HIBADH: variants seen among roughly 807,000 people sequenced by gnomAD.
The protein encoded by HIBADH is 3-hydroxyisobutyrate dehydrogenase.
Under a neutral mutation model 36.1 loss-of-function variants are expected in HIBADH, and 25 were observed. The observed-to-expected ratio is 0.69, with a 90% CI of 0.50 to 0.97. HIBADH has a LOEUF of 0.97. HIBADH is among the 50% of genes least tolerant of loss of function. HIBADH has a pLI of 0.00. For missense variants in HIBADH, 421 were observed against 418.0 expected, an observed-to-expected ratio of 1.01 and a Z score of -0.06; for synonymous variants, 160 against 149.5, an observed-to-expected ratio of 1.07 and a Z score of -0.51.
intron 6 of HIBADH, among the ~76,000 whole-genome samples, chr7:27,537,200 A>G (rs1784082318): frequency 6.6e-6 from 1 of 152,186 alleles, no homozygotes; most frequent in Admixed American, 6.6e-5. Flanking sequence ...CATCTTATGG[A>G]CATTCAATTT....
intron 4 of HIBADH, among the ~76,000 whole-genome samples, chr7:27,604,869 T>C (rs1361693600): frequency 6.6e-6 from 1 of 152,138 alleles, no homozygotes; most frequent in Admixed American, 6.5e-5. Context: ...AACATTTACT[T>C]TGAAAACATA....
At chr7:27,609,920 G>A (rs1035246277) in intron 4 of HIBADH, among the ~76,000 whole-genome samples, 2 of 151,990 alleles carry the variant, frequency 1.3e-5, no homozygotes, top group African/African-American at 4.8e-5. Context: ...AAGTTCAAGC[G>A]ATTCTCCTGC....
chr7:27,601,624 G>A (rs995631759), intron 4 of HIBADH, among the ~76,000 whole-genome samples: 2 of 152,008 alleles, frequency 1.3e-5, no homozygotes, highest in African/African-American at 4.8e-5. Context: ...AAAATTTAAG[G>A]TAAAGGGGAA....
At chr7:27,584,985 A>C (rs1427405499) in intron 4 of HIBADH, among the ~76,000 whole-genome samples, 3 of 152,028 alleles carry the variant, frequency 2.0e-5, no homozygotes, top group Non-Finnish European at 4.4e-5. Context: ...CTAAAAGTAC[A>C]TTCTTATAGT....
At chr7:27,562,762 C>T (rs1222975864) in intron 4 of HIBADH, among the ~76,000 whole-genome samples, 1 of 152,124 alleles carries the variant, frequency 6.6e-6, no homozygotes, top group Non-Finnish European at 1.5e-5. Flanking sequence ...TCAGCCTTTG[C>T]CATTTCTTTT....
At chr7:27,605,402 T>G (rs1785201363) in intron 4 of HIBADH, among the ~76,000 whole-genome samples, 2 of 151,110 alleles carry the variant, frequency 1.3e-5, no homozygotes, top group Admixed American at 6.6e-5. Flanking sequence ...ACTTGCACCT[T>G]TCAGAGGTTT....
At chr7:27,660,838 T>A (rs187809507) in intron 1 of HIBADH, among the ~76,000 whole-genome samples, 1 of 152,176 alleles carries the variant, frequency 6.6e-6, no homozygotes, top group Non-Finnish European at 1.5e-5. Flanking sequence ...CACTCTGAGG[T>A]AGGCCCTCCC....
chr7:27,642,529 TAA>T (rs1240080081), intron 2 of HIBADH, among the ~76,000 whole-genome samples: 1 of 152,136 alleles, frequency 6.6e-6, no homozygotes, highest in Non-Finnish European at 1.5e-5. Flanking sequence ...TGACCTAAAG[TAA>T]AAGTCTTCAG....
At chr7:27,577,113 G>A (rs565872225) in intron 4 of HIBADH, among the ~76,000 whole-genome samples, 28 of 150,948 alleles carry the variant, frequency 1.9e-4, no homozygotes, top group South Asian at 1.5e-3. Context: ...ATGACCTTTC[G>A]GAAGAAATTA....
chr7:27,574,474 G>A (rs1358794058), intron 4 of HIBADH, among the ~76,000 whole-genome samples: 8 of 152,006 alleles, frequency 5.3e-5, no homozygotes, highest in Non-Finnish European at 8.8e-5. Flanking sequence ...TTTTTCCAAG[G>A]AAAGTACATT....
chr7:27,576,188 C>T (rs1784707060), intron 4 of HIBADH, among the ~76,000 whole-genome samples: 1 of 152,174 alleles, frequency 6.6e-6, no homozygotes, highest in South Asian at 2.1e-4. Context: ...CTGATCATAA[C>T]CATTACACCT....
chr7:27,561,595 A>G (rs993359348), intron 4 of HIBADH, among the ~76,000 whole-genome samples: 5 of 152,076 alleles, frequency 3.3e-5, no homozygotes, highest in East Asian at 1.9e-4. Flanking sequence ...CATTTCTTCA[A>G]TTGCTGGATA....
chr7:27,656,168 G>A lies in HIBADH; in HGVS notation c.91+6530C>T, dbSNP rs894901019. Among the ~76,000 whole-genome samples, 5 of 152,096 alleles carry A rather than the reference G, an allele frequency of 3.3e-5. No individual in the cohort carries two copies. The South Asian group carries it at 1.0e-3, about 31-fold the overall frequency. ...CTACTCTAGTTTGAAAGCAGCCATA[G>A]ACAACATACAAACAAATGGGTATGG... On this transcript the variant is annotated intron_variant, in intron 1 of 7. Transcript: ENST00000265395.
chr7:27,541,365 C>A (rs1040164484), intron 5 of HIBADH, among the ~76,000 whole-genome samples: 4 of 152,084 alleles, frequency 2.6e-5, no homozygotes, highest in Admixed American at 2.0e-4. Flanking sequence ...TTAGATCCTT[C>A]ACTTTCTTTT....
intron 6 of HIBADH, among the ~76,000 whole-genome samples, chr7:27,537,026 T>G (rs973859991): frequency 2.3e-4 from 35 of 152,158 alleles, no homozygotes; most frequent in Admixed American, 2.6e-4. Context: ...TCCTCTTCCA[T>G]GAAATTAGTC....
At chr7:27,622,752 C>T (rs1785568274) in intron 4 of HIBADH, among the ~76,000 whole-genome samples, 1 of 152,116 alleles carries the variant, frequency 6.6e-6, no homozygotes. Context: ...CCTGAACTGA[C>T]ATTATAGGTA....
chr7:27,528,707 G>A (rs901852653), intron 7 of HIBADH, among the ~76,000 whole-genome samples: 1 of 152,228 alleles, frequency 6.6e-6, no homozygotes, highest in African/African-American at 2.4e-5. Flanking sequence ...GGAAGGTGAA[G>A]CAGCAACTGC....
intron 7 of HIBADH, among the ~76,000 whole-genome samples, chr7:27,530,332 A>G (rs2128182781): frequency 6.6e-6 from 1 of 152,134 alleles, no homozygotes; most frequent in Non-Finnish European, 1.5e-5. Context: ...CAGCCTCCTG[A>G]GTAGCTGGGC....
chr7:27,570,227 C>A (rs1425834941), intron 4 of HIBADH, among the ~76,000 whole-genome samples: 3 of 151,802 alleles, frequency 2.0e-5, no homozygotes, highest in Admixed American at 6.6e-5. Context: ...GGTTTTTAGA[C>A]ACATTCAGTA....
Sources: allele counts gnomAD v4.1 joint callset (sites outside exome capture counted in the v4.1 genomes callset), GRCh38; gene constraint gnomAD v4.1.1; transcripts MANE v1.5; gene names NCBI Gene and HGNC (gene_info 2026-07-23, HGNC 2026-07-21).